RTN1: variants seen among roughly 807,000 people sequenced by gnomAD.
The protein encoded by RTN1 is reticulon 1.
In RTN1, 25 loss-of-function variants were observed where a neutral mutation model predicts 65.5. That is an observed-to-expected ratio of 0.38 (90% CI 0.28 to 0.53). RTN1 has a LOEUF of 0.53. Ranked by LOEUF, RTN1 falls within the 20% of genes least tolerant of loss-of-function variation. The probability of loss-of-function intolerance (pLI) is 0.79; values close to 1 mark genes in which losing one functional copy is unlikely to be tolerated. For synonymous variants in RTN1, 471 were observed against 447.6 expected (o/e 1.05, Z -0.66); for missense variants, 983 against 1,025.4 (o/e 0.96, Z 0.57).
At chr14:59,848,581 CCATATGAGT>C (rs1458019773) in intron 1 of RTN1, among the ~76,000 whole-genome samples, 1 of 152,108 alleles carries the variant, frequency 6.6e-6, no homozygotes, top group Non-Finnish European at 1.5e-5. Flanking sequence ...TTAAGATTGG[CCATATGAGT>C]CATACATAAA....
intron 1 of RTN1, among the ~76,000 whole-genome samples, chr14:59,778,704 C>T (rs1334398257): frequency 1.3e-5 from 2 of 152,102 alleles, no homozygotes; most frequent in African/African-American, 4.8e-5. Context: ...CACTGAAAGG[C>T]AATGAATCCT....
At chr14:59,630,866 A>G (rs543563234) in intron 3 of RTN1, 6 of 993,912 alleles carry the variant, frequency 6.0e-6, no homozygotes, top group Admixed American at 6.1e-5. Flanking sequence ...GGAGGAGGGG[A>G]AAAAGGGCTG....
intron 3 of RTN1, among the ~76,000 whole-genome samples, chr14:59,658,500 G>A (rs540522787): frequency 8.6e-4 from 131 of 152,324 alleles, no homozygotes; most frequent in African/African-American, 3.1e-3. Flanking sequence ...GCTGGCATCT[G>A]GTGGGTGCCC....
chr14:59,705,963 G>A (rs1248969535), intron 3 of RTN1, among the ~76,000 whole-genome samples: 1 of 152,152 alleles, frequency 6.6e-6, no homozygotes, highest in African/African-American at 2.4e-5. Flanking sequence ...TTCCTTCCAA[G>A]GCACAGAAAG....
At chr14:59,768,927 AGGTATTACTTTTC>A (rs1338650947) in intron 1 of RTN1, among the ~76,000 whole-genome samples, 1 of 152,206 alleles carries the variant, frequency 6.6e-6, no homozygotes, top group African/African-American at 2.4e-5. Context: ...GACTTGAACA[AGGTATTACTTTTC>A]TAGGTGACCA....
intron 3 of RTN1, among the ~76,000 whole-genome samples, chr14:59,725,417 G>T (rs2139474936): frequency 6.6e-6 from 1 of 152,272 alleles, no homozygotes; most frequent in Non-Finnish European, 1.5e-5. Flanking sequence ...ACTGTTTTGG[G>T]GCCCCAAGGG....
intron 3 of RTN1, among the ~76,000 whole-genome samples, chr14:59,711,464 A>G (rs1884417029): frequency 6.6e-6 from 1 of 152,212 alleles, no homozygotes; most frequent in Non-Finnish European, 1.5e-5. Context: ...TTAGCCTATT[A>G]TTCTTTAACT....
intron 1 of RTN1, among the ~76,000 whole-genome samples, chr14:59,869,977 T>G (rs1369775682): frequency 6.6e-6 from 1 of 152,088 alleles, no homozygotes; most frequent in Non-Finnish European, 1.5e-5. Flanking sequence ...CAGCATCTCC[T>G]GTAGCCGGCG....
chr14:59,865,779 G>A (rs981416662), intron 1 of RTN1, among the ~76,000 whole-genome samples: 17 of 152,062 alleles, frequency 1.1e-4, no homozygotes, highest in Admixed American at 9.2e-4. Context: ...TTCCAGCATC[G>A]TTTTCAAAAC....
intron 1 of RTN1, among the ~76,000 whole-genome samples, chr14:59,823,362 T>A (rs1886976879): frequency 6.6e-6 from 1 of 152,132 alleles, no homozygotes; most frequent in Non-Finnish European, 1.5e-5. Flanking sequence ...TCCCTTTTGC[T>A]TGACAGATCT....
intron 1 of RTN1, among the ~76,000 whole-genome samples, chr14:59,839,987 CT>C (rs35340546): frequency 0.25 from 37,729 of 151,578 alleles, 4,984 homozygotes; most frequent in East Asian, 0.55. Context: ...CCATCTTTTC[CT>C]TTTTTTTCCC....
At chr14:59,827,283 T>C (rs934979337) in intron 1 of RTN1, among the ~76,000 whole-genome samples, 1 of 152,156 alleles carries the variant, frequency 6.6e-6, no homozygotes, top group African/African-American at 2.4e-5. Context: ...TTTCACCGTG[T>C]TAGCCAAGAT....
At chr14:59,764,541 C>T (rs531983677) in intron 1 of RTN1, among the ~76,000 whole-genome samples, 2 of 152,180 alleles carry the variant, frequency 1.3e-5, no homozygotes, top group African/African-American at 2.4e-5. Context: ...AGGGTGGTCT[C>T]GAACTCCTGA....
intron 1 of RTN1, among the ~76,000 whole-genome samples, chr14:59,752,989 T>C (rs1469421638): frequency 1.3e-5 from 2 of 152,108 alleles, no homozygotes; most frequent in Non-Finnish European, 2.9e-5. Flanking sequence ...TTGTAGAAAG[T>C]TGGATGAGAC....
intron 3 of RTN1, among the ~76,000 whole-genome samples, chr14:59,647,956 G>C (rs1882935564): frequency 6.6e-6 from 1 of 152,082 alleles, no homozygotes; most frequent in Non-Finnish European, 1.5e-5. Flanking sequence ...TGAATTGAAG[G>C]AGATCAAGAC....
chr14:59,833,407 T>C (rs1001570492), intron 1 of RTN1, among the ~76,000 whole-genome samples: 1 of 152,190 alleles, frequency 6.6e-6, no homozygotes, highest in Non-Finnish European at 1.5e-5. Context: ...ATTTTGACTG[T>C]CTCATGGTGA....
At chr14:59,636,101 A>C (rs1882659610) in intron 3 of RTN1, among the ~76,000 whole-genome samples, 2 of 152,220 alleles carry the variant, frequency 1.3e-5, no homozygotes, top group African/African-American at 4.8e-5. Flanking sequence ...AAATCTAAAT[A>C]CATAGTTGAA....
chr14:59,666,962 CAAA>C (rs146213616), intron 3 of RTN1, among the ~76,000 whole-genome samples: 3,772 of 59,886 alleles, frequency 0.063, 57 homozygotes, highest in African/African-American at 0.15. Context: ...GCCGACCAAC[CAAA>C]AAAAAAAAAA....
chr14:59,772,730 T>C (rs1042285679), intron 1 of RTN1, among the ~76,000 whole-genome samples: 1 of 152,142 alleles, frequency 6.6e-6, no homozygotes, highest in Non-Finnish European at 1.5e-5. Flanking sequence ...CTTTGTCCTT[T>C]ATTGTTTAGC....
Sources: gnomAD v4.1 joint callset for allele counts (sites outside exome capture counted in the v4.1 genomes callset) on GRCh38, gnomAD v4.1.1 for gene constraint, MANE v1.5 for transcripts, NCBI Gene and HGNC (gene_info 2026-07-23, HGNC 2026-07-21) for gene names.